Variants in NBAS observed in about 807,000 individuals in gnomAD.
The protein encoded by NBAS is NAG/BC035112 fusion.
In NBAS, 219 loss-of-function variants were observed where a neutral mutation model predicts 302.5. The ratio of observed to expected loss-of-function variants is 0.72; its 90% confidence interval spans 0.65 to 0.81. The LOEUF is 0.81. Ranked by LOEUF, NBAS falls within the 30% of genes least tolerant of loss-of-function variation. NBAS has a pLI of 0.00. For missense variants in NBAS, 2,932 were observed against 2,841.6 expected, an observed-to-expected ratio of 1.03 and a Z score of -0.72; for synonymous variants, 1,118 against 1,021.6, an observed-to-expected ratio of 1.09 and a Z score of -1.80.
the NBAS span, among the ~76,000 whole-genome samples, chr2:15,070,353 T>A: frequency 6.6e-6 from 1 of 152,084 alleles, no homozygotes; most frequent in Non-Finnish European, 1.5e-5. Context: ...AGAATAAAAC[T>A]CAAATACACC....
the NBAS span, among the ~76,000 whole-genome samples, chr2:14,807,145 G>T: frequency 6.6e-6 from 1 of 152,076 alleles, no homozygotes; most frequent in South Asian, 2.1e-4. Flanking sequence ...AATATCAGGG[G>T]GGGGTTCACA....
chr2:14,828,047 G>GT, the NBAS span, among the ~76,000 whole-genome samples: 6 of 152,072 alleles, frequency 3.9e-5, no homozygotes, highest in Non-Finnish European at 7.4e-5. Context: ...TATAATCTCA[G>GT]TTATTCATTC....
At chr2:15,160,365 A>C in the NBAS span, among the ~76,000 whole-genome samples, 1 of 152,194 alleles carries the variant, frequency 6.6e-6, no homozygotes, top group African/African-American at 2.4e-5. Flanking sequence ...GAGAGGCTCA[A>C]AGATGCTTGA....
chr2:15,315,497 C>A (rs1671467072), intron 38 of NBAS, among the ~76,000 whole-genome samples: 1 of 152,172 alleles, frequency 6.6e-6, no homozygotes, highest in African/African-American at 2.4e-5. Context: ...GCTTAAGCTC[C>A]CTGTCAGTTA....
the NBAS span, among the ~76,000 whole-genome samples, chr2:15,036,322 T>C: frequency 1.3e-5 from 2 of 152,206 alleles, no homozygotes; most frequent in South Asian, 4.1e-4. Context: ...AATTGCAAGG[T>C]GCTGTGCTAG....
intron 14 of NBAS, 86 bp downstream of exon 14, chr2:15,475,596 AAAGAT>A (rs1429417758): frequency 2.4e-6 from 3 of 1,251,608 alleles, no homozygotes; most frequent in African/African-American, 3.1e-5. Context: ...TTTTTAAAGA[AAAGAT>A]AATAAGACAA....
chr2:14,855,988 G>A, the NBAS span, among the ~76,000 whole-genome samples: 9 of 152,158 alleles, frequency 5.9e-5, no homozygotes, highest in Non-Finnish European at 1.0e-4. Flanking sequence ...GCTGGCTTCC[G>A]GCCTGACCCA....
At chr2:15,515,662 T>C (rs1490903367) in intron 9 of NBAS, among the ~76,000 whole-genome samples, 1 of 152,210 alleles carries the variant, frequency 6.6e-6, no homozygotes, top group African/African-American at 2.4e-5. Context: ...CTTATGGTGA[T>C]GATTGGCCAA....
the NBAS span, among the ~76,000 whole-genome samples, chr2:14,817,267 C>T: frequency 1.3e-5 from 2 of 152,216 alleles, no homozygotes; most frequent in African/African-American, 2.4e-5. Flanking sequence ...CTATTCAGTA[C>T]TTACCTCTAC....
chr2:14,848,861 G>A, the NBAS span, among the ~76,000 whole-genome samples: 3 of 151,042 alleles, frequency 2.0e-5, no homozygotes, highest in Non-Finnish European at 4.4e-5. Flanking sequence ...CTGCAGCTGA[G>A]GGTCCTGTCT....
At chr2:15,053,285 C>A in the NBAS span, among the ~76,000 whole-genome samples, 3 of 152,058 alleles carry the variant, frequency 2.0e-5, no homozygotes, top group East Asian at 1.9e-4. Context: ...GCAAAGATAA[C>A]AAGGAAAATA....
chr2:15,141,623 C>T, the NBAS span, among the ~76,000 whole-genome samples: 1 of 152,182 alleles, frequency 6.6e-6, no homozygotes, highest in South Asian at 2.1e-4. Flanking sequence ...CATTTTGATA[C>T]AAAACCAAGA....
the NBAS span, among the ~76,000 whole-genome samples, chr2:14,862,339 G>A: frequency 6.6e-5 from 10 of 151,964 alleles, no homozygotes; most frequent in Non-Finnish European, 1.3e-4. Flanking sequence ...GGCTGATCTC[G>A]AACTCCTGAC....
At chr2:15,184,343 C>T (rs1174918540) in intron 50 of NBAS, among the ~76,000 whole-genome samples, 2 of 152,036 alleles carry the variant, frequency 1.3e-5, no homozygotes, top group African/African-American at 4.8e-5. Flanking sequence ...TTATTGGGCA[C>T]TTTATTTCTA....
At chr2:15,208,648 T>C (rs939799352) in intron 48 of NBAS, among the ~76,000 whole-genome samples, 4 of 152,096 alleles carry the variant, frequency 2.6e-5, no homozygotes, top group Non-Finnish European at 5.9e-5. Flanking sequence ...GACTATATTA[T>C]AGGTCACAAA....
At chr2:15,100,122 T>C in the NBAS span, among the ~76,000 whole-genome samples, 1 of 152,236 alleles carries the variant, frequency 6.6e-6, no homozygotes, top group South Asian at 2.1e-4. Flanking sequence ...CTGTATTCTA[T>C]GCAACAGGTG....
chr2:15,048,218 A>C, the NBAS span, among the ~76,000 whole-genome samples: 1 of 152,256 alleles, frequency 6.6e-6, no homozygotes, highest in East Asian at 1.9e-4. Flanking sequence ...CAGTGGGGAC[A>C]GCAAGGCTGG....
At chr2:15,188,363 C>T (rs1665185910) in intron 49 of NBAS, among the ~76,000 whole-genome samples, 1 of 152,200 alleles carries the variant, frequency 6.6e-6, no homozygotes, top group Non-Finnish European at 1.5e-5. Flanking sequence ...CTCTCTTCCA[C>T]CCCCACTCCT....
chr2:15,534,704 C>G (rs1238180978), intron 8 of NBAS, 63 bp from the exon 9 acceptor site: 1 of 1,178,582 alleles, frequency 8.5e-7, no homozygotes, highest in Non-Finnish European at 1.3e-6. Flanking sequence ...TCACTAAATA[C>G]CCAATAAAAT....
Sources: allele counts gnomAD v4.1 joint callset (sites outside exome capture counted in the v4.1 genomes callset), GRCh38; gene constraint gnomAD v4.1.1; transcripts MANE v1.5; gene names NCBI Gene and HGNC (gene_info 2026-07-23, HGNC 2026-07-21).